The following STXBP4 variants were observed in gnomAD, a reference collection of about 807,000 sequenced individuals.
The protein encoded by STXBP4 is syntaxin-binding protein 4.
Under a neutral mutation model 76.1 loss-of-function variants are expected in STXBP4, and 55 were observed. The observed-to-expected ratio is 0.72, with a 90% CI of 0.58 to 0.91. The LOEUF is 0.91. STXBP4 is among the 40% of genes least tolerant of loss of function. The pLI, the probability that STXBP4 is intolerant of heterozygous loss-of-function variation, is 0.00. For missense variants in STXBP4, 618 were observed against 636.9 expected (o/e 0.97, Z 0.32); for synonymous variants, 201 against 220.2 (o/e 0.91, Z 0.77).
intron 16 of STXBP4, among the ~76,000 whole-genome samples, chr17:55,127,426 G>A (rs545368186): frequency 1.3e-5 from 2 of 152,210 alleles, no homozygotes; most frequent in Non-Finnish European, 2.9e-5. Context: ...TGACTTTCTG[G>A]GGATGCATGT....
At position 54,993,085 on chromosome 17, in the gene STXBP4, A is replaced by G. The variant is rs555885392; in HGVS notation, c.180+2128A>G. Among the ~76,000 whole-genome samples the G allele has an allele frequency of 2.3e-4, 35 of 152,308 alleles. 2 individuals carry two copies. The highest frequency in any genetic ancestry group is 1.3e-4 in the Admixed American group (2 of 15,298). On this transcript the variant is annotated intron_variant, in intron 4 of 17. Transcript: ENST00000376352. ...GATGAAAACTATTTGGAGTTAGAGT[A>G]ATAAGTTGATAGCGGTGGTGCTGAA...
At chr17:54,972,713 ACT>A (rs1034623078) in intron 1 of STXBP4, among the ~76,000 whole-genome samples, 1 of 152,024 alleles carries the variant, frequency 6.6e-6, no homozygotes, top group African/African-American at 2.4e-5. Context: ...TTTAGAAAAA[ACT>A]CTGAGCACTA....
At chr17:55,102,442 C>G (rs2079578330) in intron 16 of STXBP4, among the ~76,000 whole-genome samples, 1 of 152,134 alleles carries the variant, frequency 6.6e-6, no homozygotes, top group African/African-American at 2.4e-5. Flanking sequence ...CATGTCTCAG[C>G]AAAGGGCATG....
intron 4 of STXBP4, among the ~76,000 whole-genome samples, chr17:54,996,914 AGTGTTTAT>A (rs1174711235): frequency 6.6e-6 from 1 of 152,208 alleles, no homozygotes. Flanking sequence ...TTTTAACAGA[AGTGTTTAT>A]GTGGTCAGGA....
At chr17:55,179,505 C>T in the STXBP4 span, among the ~76,000 whole-genome samples, 9 of 152,164 alleles carry the variant, frequency 5.9e-5, no homozygotes, top group Middle Eastern at 3.4e-3. Flanking sequence ...AATCTGAAGG[C>T]AAAAAGCTAT....
chr17:55,129,361 A>T (rs974925661), intron 16 of STXBP4, among the ~76,000 whole-genome samples: 3 of 152,150 alleles, frequency 2.0e-5, no homozygotes, highest in Non-Finnish European at 4.4e-5. Context: ...ATGAAATAGA[A>T]AACTATTTTT....
chr17:55,073,044 G>T lies in STXBP4; in HGVS notation c.1156G>T (p.Ala386Ser). 1 of 1,613,770 alleles carries T rather than the reference G, an allele frequency of 6.2e-7. No homozygotes were observed. The highest frequency in any genetic ancestry group is 8.5e-7 in the Non-Finnish European group (1 of 1,179,828). ...AGAGGCCAAGATTACAGAGCTAAAG[G>T]CTCAGCTTGCTGATTATTCTGACCA... The part of the protein sequence containing the change: ...LLEAKITELK[A>S]QLADYSDQNK... The change falls in exon 13 of 18, where the codon GCT (alanine) becomes TCT (serine). Residue 386 changes from alanine to serine, a missense_variant. Ala to Ser is a moderately conservative substitution (Grantham distance 99). Coordinates refer to ENST00000376352, the MANE Select transcript of STXBP4 (RefSeq NM_178509.6).
chr17:55,128,269 T>C (rs999958802), intron 16 of STXBP4, among the ~76,000 whole-genome samples: 5 of 152,138 alleles, frequency 3.3e-5, no homozygotes, highest in African/African-American at 1.2e-4. Flanking sequence ...CAAATGAAAG[T>C]CAAAAAAGTG....
chr17:55,023,916 C>CAAAAAAAAAAAA (rs61454264), intron 8 of STXBP4, among the ~76,000 whole-genome samples: 39 of 62,220 alleles, frequency 6.3e-4, no homozygotes, highest in Middle Eastern at 0.013. Context: ...GGCCCTTTTC[C>CAAAAAAAAAAAA]AAAAAAAAAA....
At chr17:55,157,785 G>T (rs895257140) in intron 17 of STXBP4, among the ~76,000 whole-genome samples, 1 of 152,176 alleles carries the variant, frequency 6.6e-6, no homozygotes, top group African/African-American at 2.4e-5. Context: ...AATAATAACA[G>T]TGGAACTTAC....
chr17:55,002,682 G>A (rs2077940299), intron 7 of STXBP4, among the ~76,000 whole-genome samples: 1 of 152,166 alleles, frequency 6.6e-6, no homozygotes, highest in Non-Finnish European at 1.5e-5. Context: ...AGTGCTATGA[G>A]TATGGTATAA....
chr17:54,987,302 T>C (rs2077640198), intron 3 of STXBP4, among the ~76,000 whole-genome samples: 1 of 152,222 alleles, frequency 6.6e-6, no homozygotes, highest in African/African-American at 2.4e-5. Flanking sequence ...GGTCCTTTTG[T>C]AGTGCTTCTT....
At chr17:55,073,141 T>C (rs2079142787) in intron 13 of STXBP4, 65 bp downstream of exon 13, 2 of 1,493,538 alleles carry the variant, frequency 1.3e-6, no homozygotes, top group Non-Finnish European at 1.8e-6. Flanking sequence ...TATCCTGTTT[T>C]CATTTTCTTT....
intron 16 of STXBP4, among the ~76,000 whole-genome samples, chr17:55,103,912 G>A (rs1276522859): frequency 1.3e-5 from 2 of 152,068 alleles, no homozygotes; most frequent in African/African-American, 2.4e-5. Context: ...CTTCACTTAC[G>A]TTGCAGCTCT....
intron 8 of STXBP4, among the ~76,000 whole-genome samples, chr17:55,011,675 T>G (rs1052057582): frequency 6.6e-6 from 1 of 152,058 alleles, no homozygotes; most frequent in East Asian, 1.9e-4. Flanking sequence ...TTTCTTTACC[T>G]CCTGTTTTTG....
intron 17 of STXBP4, among the ~76,000 whole-genome samples, chr17:55,149,315 C>T (rs572654252): frequency 1.7e-4 from 26 of 151,880 alleles, no homozygotes; most frequent in African/African-American, 3.6e-4. Flanking sequence ...TGGCAGTCTG[C>T]GGAAGCAATT....
intron 17 of STXBP4, among the ~76,000 whole-genome samples, chr17:55,142,322 C>G (rs1287143590): frequency 1.3e-5 from 2 of 152,138 alleles, no homozygotes; most frequent in East Asian, 3.8e-4. Flanking sequence ...CAGGGGACTC[C>G]TTTGTGTATC....
intron 13 of STXBP4, among the ~76,000 whole-genome samples, chr17:55,077,189 A>G (rs2079193739): frequency 6.6e-6 from 1 of 151,970 alleles, no homozygotes; most frequent in Non-Finnish European, 1.5e-5. Context: ...TCATATGTTT[A>G]GTGATTTTTG....
chr17:55,158,850 A>C (rs1016269797), intron 17 of STXBP4, among the ~76,000 whole-genome samples: 5 of 152,228 alleles, frequency 3.3e-5, no homozygotes, highest in Admixed American at 6.5e-5. Context: ...ATTTAATAAG[A>C]GATAAGACCA....
Sources: gnomAD v4.1 joint callset for allele counts (sites outside exome capture counted in the v4.1 genomes callset) on GRCh38, gnomAD v4.1.1 for gene constraint, MANE v1.5 for transcripts, NCBI Gene and HGNC (gene_info 2026-07-23, HGNC 2026-07-21) for gene names.